LRMDA: variants seen among roughly 807,000 people sequenced by gnomAD.
LRMDA encodes the protein leucine rich melanocyte differentiation associated, also known as leucine-rich melanocyte differentiation-associated protein.
In LRMDA, 18 loss-of-function variants were observed where a neutral mutation model predicts 29.8. The ratio of observed to expected loss-of-function variants is 0.60; its 90% CI spans 0.42 to 0.90. LRMDA has a LOEUF of 0.90. LRMDA is among the 40% of genes least tolerant of loss of function. The pLI is 0.00. For missense variants in LRMDA, 273 were observed against 273.9 expected (o/e 1.00, Z 0.02); for synonymous variants, 125 against 109.4 (o/e 1.14, Z -0.89).
intron 2 of LRMDA, among the ~76,000 whole-genome samples, chr10:75,615,320 A>G (rs918241150): frequency 1.3e-5 from 2 of 152,212 alleles, no homozygotes; most frequent in Non-Finnish European, 2.9e-5. Flanking sequence ...GCTTGGGACC[A>G]GAAGTGTTTT....
At chr10:76,035,408 G>A (rs912000879) in intron 2 of LRMDA, among the ~76,000 whole-genome samples, 1 of 151,646 alleles carries the variant, frequency 6.6e-6, no homozygotes, top group African/African-American at 2.4e-5. Context: ...CTGGGCAGAA[G>A]CAAATTAAGT....
At chr10:76,474,303 TGA>T (rs1340262180) in intron 6 of LRMDA, among the ~76,000 whole-genome samples, 1 of 151,602 alleles carries the variant, frequency 6.6e-6, no homozygotes, top group Non-Finnish European at 1.5e-5. Context: ...TAAATCTGTG[TGA>T]CTTTGGGTTA....
chr10:76,214,465 C>T (rs1851693544), intron 5 of LRMDA, among the ~76,000 whole-genome samples: 1 of 151,790 alleles, frequency 6.6e-6, no homozygotes, highest in Admixed American at 6.6e-5. Context: ...CTGCCTCAGC[C>T]TCCCGAGTAG....
chr10:76,012,447 GC>G (rs1321661482), intron 2 of LRMDA, among the ~76,000 whole-genome samples: 1 of 152,148 alleles, frequency 6.6e-6, no homozygotes, highest in Non-Finnish European at 1.5e-5. Flanking sequence ...TGAATCCATG[GC>G]TGTGTGTGTG....
At chr10:76,355,023 C>G (rs2395376) in intron 6 of LRMDA, among the ~76,000 whole-genome samples, 1 of 151,992 alleles carries the variant, frequency 6.6e-6, no homozygotes, top group African/African-American at 2.4e-5. Context: ...TGCTGTCCTT[C>G]AAATTCAACT....
intron 5 of LRMDA, among the ~76,000 whole-genome samples, chr10:76,076,827 G>C (rs1848968072): frequency 6.6e-6 from 1 of 152,152 alleles, no homozygotes. Flanking sequence ...GGGTCGGGCA[G>C]ACAACAAACA....
chr10:75,636,429 T>G (rs991064842), intron 2 of LRMDA, among the ~76,000 whole-genome samples: 2 of 152,228 alleles, frequency 1.3e-5, no homozygotes, highest in Non-Finnish European at 1.5e-5. Flanking sequence ...AATTAGAGAA[T>G]GAGGTAATGC....
intron 2 of LRMDA, among the ~76,000 whole-genome samples, chr10:76,031,901 C>T (rs1338117265): frequency 6.6e-6 from 1 of 152,094 alleles, no homozygotes; most frequent in East Asian, 1.9e-4. Context: ...TCAGCTATTC[C>T]CCATGTTCGC....
Position 76,324,395 on chromosome 10 carries a change from A to G in LRMDA, c.517-6A>G, listed in dbSNP as rs1437860983. 1.2e-6 allele frequency: 2 copies of G among 1,614,018 alleles called. No individual in the cohort carries two copies. The highest frequency in any genetic ancestry group is 1.7e-6 in the Non-Finnish European group (2 of 1,179,934). ...GCTTCATGTTGACTTTGCTTTTGTC[A>G]CACAGGCTTCTAGTGAGGACGTTGC... On this transcript the variant is annotated splice_region_variant and splice_polypyrimidine_tract_variant and intron_variant, in intron 5 of 6. Transcript: ENST00000611255.
Position 76,557,494 on chromosome 10 carries a change from T to G in LRMDA, c.*206T>G. On this transcript the variant is annotated 3_prime_UTR_variant, in exon 7 of 7. Transcript: ENST00000611255. ...CTTAGACTGAGTGGTCACATAGAGATTGACATGATTGCCCTTAAGCAGGTC... is the reference window on the plus strand; with the variant it reads ...CTTAGACTGAGTGGTCACATAGAGAGTGACATGATTGCCCTTAAGCAGGTC... 1 of 595,816 alleles carries G rather than the reference T, an allele frequency of 1.7e-6. No homozygotes were observed. Among genetic ancestry groups the G allele is most frequent in the Non-Finnish European group, 3.0e-6 (1 of 336,422 alleles). The allele number at this position is 595,816 out of a possible 1,614,324, so 36.9% of individuals were successfully genotyped here.
At chr10:75,773,416 CATG>C (rs1396560934) in intron 2 of LRMDA, among the ~76,000 whole-genome samples, 2 of 152,130 alleles carry the variant, frequency 1.3e-5, no homozygotes, top group African/African-American at 2.4e-5. Flanking sequence ...GTTTGTGACT[CATG>C]GTGGTGAATC....
At chr10:75,899,706 T>A (rs1845639331) in intron 2 of LRMDA, among the ~76,000 whole-genome samples, 2 of 152,194 alleles carry the variant, frequency 1.3e-5, no homozygotes, top group South Asian at 4.1e-4. Flanking sequence ...TGATGAAGCA[T>A]CCATTCATGG....
chr10:76,034,451 G>T (rs1848205194), intron 2 of LRMDA, among the ~76,000 whole-genome samples: 1 of 152,268 alleles, frequency 6.6e-6, no homozygotes, highest in African/African-American at 2.4e-5. Flanking sequence ...GGCAGTGTTG[G>T]TTGGAGGAGC....
chr10:75,789,428 G>C (rs1843528643), intron 2 of LRMDA, among the ~76,000 whole-genome samples: 1 of 152,210 alleles, frequency 6.6e-6, no homozygotes, highest in South Asian at 2.1e-4. Context: ...ATGAGTTGTA[G>C]AGATGACCAG....
chr10:76,510,808 C>A (rs1843002972), intron 6 of LRMDA, among the ~76,000 whole-genome samples: 1 of 152,302 alleles, frequency 6.6e-6, no homozygotes, highest in Non-Finnish European at 1.5e-5. Flanking sequence ...ACCTGTTAGA[C>A]AATTCCTGCC....
intron 4 of LRMDA, among the ~76,000 whole-genome samples, chr10:76,052,023 T>A (rs79547918): frequency 1.4e-3 from 213 of 152,336 alleles, no homozygotes; most frequent in African/African-American, 4.7e-3. Flanking sequence ...GGAGTTAATG[T>A]AATCTAGTCA....
At chr10:75,634,070 C>A (rs1213540471) in intron 2 of LRMDA, among the ~76,000 whole-genome samples, 1 of 152,090 alleles carries the variant, frequency 6.6e-6, no homozygotes, top group African/African-American at 2.4e-5. Flanking sequence ...AGGAGAAAAC[C>A]AAATTATCTT....
chr10:75,660,351 G>A (rs1046936223), intron 2 of LRMDA, among the ~76,000 whole-genome samples: 5 of 152,136 alleles, frequency 3.3e-5, no homozygotes, highest in Non-Finnish European at 7.4e-5. Flanking sequence ...TGAAACTTGC[G>A]AATTAGATAT....
At chr10:76,226,512 G>A (rs1321295436) in intron 5 of LRMDA, among the ~76,000 whole-genome samples, 1 of 152,150 alleles carries the variant, frequency 6.6e-6, no homozygotes, top group African/African-American at 2.4e-5. Context: ...GAACTCAGGA[G>A]GCAGAGGTTG....
Sources: allele counts gnomAD v4.1 joint callset (sites outside exome capture counted in the v4.1 genomes callset), GRCh38; gene constraint gnomAD v4.1.1; transcripts MANE v1.5; gene names NCBI Gene and HGNC (gene_info 2026-07-23, HGNC 2026-07-21).